The following RCSD1 variants were observed in gnomAD, a reference collection of about 807,000 sequenced individuals.
RCSD1 encodes capZ-interacting protein.
A neutral mutation model predicts 42.5 loss-of-function variants in RCSD1; 26 were observed. That is an observed-to-expected ratio of 0.61 (90% CI 0.45 to 0.85). The LOEUF (loss-of-function observed/expected upper bound fraction) is 0.85, where lower values mean the gene tolerates loss of function less well. Among genes scored for constraint, RCSD1 ranks in the 40% least tolerant of loss-of-function variants. The probability of loss-of-function intolerance (pLI) is 0.00; values close to 1 mark genes in which losing one functional copy is unlikely to be tolerated. For synonymous variants in RCSD1, 220 were observed against 212.2 expected (o/e 1.04, Z -0.32); for missense variants, 571 against 528.3 (o/e 1.08, Z -0.79).
intron 1 of RCSD1, among the ~76,000 whole-genome samples, chr1:167,669,002 CTTCTGAATCCCTTTA>C (rs1658728289): frequency 6.6e-6 from 1 of 152,178 alleles, no homozygotes; most frequent in African/African-American, 2.4e-5. Flanking sequence ...AGCTTGTGTT[CTTCTGAATCCCTTTA>C]TTTTTCTTCT....
At chr1:167,661,580 T>C (rs1658543585) in intron 1 of RCSD1, among the ~76,000 whole-genome samples, 1 of 152,212 alleles carries the variant, frequency 6.6e-6, no homozygotes, top group East Asian at 1.9e-4. Context: ...CCACCTCTCC[T>C]GCAAAAGCCA....
chr1:167,640,325 G>GA (rs1451804323), intron 1 of RCSD1: 1 of 152,254 alleles, frequency 6.6e-6, no homozygotes, highest in Non-Finnish European at 1.5e-5. Context: ...GGCTCCTGGT[G>GA]GTTGCCAGCT....
chr1:167,647,406 T>C (rs1571675358), intron 1 of RCSD1, among the ~76,000 whole-genome samples: 1 of 147,430 alleles, frequency 6.8e-6, no homozygotes, highest in African/African-American at 2.5e-5. Flanking sequence ...CCGGGCAACA[T>C]AGTGAGACCC....
At chr1:167,644,272 G>C (rs968683270) in intron 1 of RCSD1, among the ~76,000 whole-genome samples, 1 of 152,164 alleles carries the variant, frequency 6.6e-6, no homozygotes, top group Non-Finnish European at 1.5e-5. Flanking sequence ...CTGAGATCAG[G>C]AGTTTGAGAC....
chr1:167,688,039 C>G (rs1187235297), intron 3 of RCSD1, among the ~76,000 whole-genome samples: 2 of 152,226 alleles, frequency 1.3e-5, no homozygotes, highest in African/African-American at 4.8e-5. Context: ...TTTTTCTCCA[C>G]CGGATTGTTA....
At chr1:167,631,064 A>C (rs1571661054) in intron 1 of RCSD1, among the ~76,000 whole-genome samples, 1 of 152,202 alleles carries the variant, frequency 6.6e-6, no homozygotes, top group Non-Finnish European at 1.5e-5. Flanking sequence ...TCCCTTGGAC[A>C]CCCTTGCCTC....
In RCSD1 at chr1:167,704,804, G is replaced by A; in HGVS notation, c.*108G>A. Reference sequence around the variant, plus strand: ...CGAAGCCATTGCAGAGGCAGAATATGCTGAGTGTCTGGAGTCAGCCTGAAG... The same window carrying A: ...CGAAGCCATTGCAGAGGCAGAATATACTGAGTGTCTGGAGTCAGCCTGAAG... On this transcript the variant is annotated 3_prime_UTR_variant, in exon 7 of 7. Coordinates refer to ENST00000367854, the MANE Select transcript of RCSD1 (RefSeq NM_052862.4). 9.0e-7 allele frequency: 1 copy of A among 1,111,722 alleles called. No individual in the cohort carries two copies. Among genetic ancestry groups the A allele is most frequent in the Non-Finnish European group, 1.3e-6 (1 of 743,828 alleles). The allele number at this position is 1,111,722 out of a possible 1,614,324, so 68.9% of individuals were successfully genotyped here.
intron 6 of RCSD1, among the ~76,000 whole-genome samples, chr1:167,700,307 C>T (rs1036844649): frequency 6.6e-6 from 1 of 152,096 alleles, no homozygotes; most frequent in Non-Finnish European, 1.5e-5. Context: ...ATGACTGAGA[C>T]CCCTGGGTTA....
At chr1:167,631,246 G>C (rs1471249349) in intron 1 of RCSD1, among the ~76,000 whole-genome samples, 1 of 152,230 alleles carries the variant, frequency 6.6e-6, no homozygotes, top group East Asian at 1.9e-4. Flanking sequence ...TGCACATCTT[G>C]AGGCTTCCCT....
chr1:167,666,413 G>T (rs777775707), intron 1 of RCSD1, among the ~76,000 whole-genome samples: 5 of 152,184 alleles, frequency 3.3e-5, no homozygotes, highest in Non-Finnish European at 7.3e-5. Flanking sequence ...TTTTATTACT[G>T]TTGAAAAATA....
chr1:167,630,759 G>A (rs566221185), intron 1 of RCSD1: 8 of 139,190 alleles, frequency 5.7e-5, no homozygotes, highest in African/African-American at 2.7e-4. Context: ...AAAAAGTTAG[G>A]TGCAGCCAAG....
chr1:167,683,116 T>C (rs892738570), intron 1 of RCSD1, among the ~76,000 whole-genome samples: 4 of 152,128 alleles, frequency 2.6e-5, no homozygotes, highest in African/African-American at 9.7e-5. Context: ...GGCACCTCAA[T>C]GGAGGGACAG....
chr1:167,645,908 C>A (rs1283556613), intron 1 of RCSD1, among the ~76,000 whole-genome samples: 1 of 151,892 alleles, frequency 6.6e-6, no homozygotes, highest in East Asian at 1.9e-4. Flanking sequence ...CAGAGTGGGG[C>A]TCACGGGATG....
chr1:167,662,816 C>T (rs1314698651), intron 1 of RCSD1, among the ~76,000 whole-genome samples: 1 of 152,204 alleles, frequency 6.6e-6, no homozygotes, highest in Non-Finnish European at 1.5e-5. Flanking sequence ...GTTTGCTTGG[C>T]ATCCCTGAGT....
At chr1:167,670,809 C>G (rs1212762623) in intron 1 of RCSD1, among the ~76,000 whole-genome samples, 1 of 152,178 alleles carries the variant, frequency 6.6e-6, no homozygotes, top group Non-Finnish European at 1.5e-5. Flanking sequence ...TGACTCCACC[C>G]TGCCCCACCC....
At chr1:167,638,572 C>T (rs1020651185) in intron 1 of RCSD1, 1 of 152,258 alleles carries the variant, frequency 6.6e-6, no homozygotes, top group African/African-American at 2.4e-5. Context: ...AGACAACAGG[C>T]TCCTCAGCCT....
intron 1 of RCSD1, among the ~76,000 whole-genome samples, chr1:167,636,910 A>G (rs546058254): frequency 2.0e-5 from 3 of 152,154 alleles, no homozygotes; most frequent in South Asian, 4.1e-4. Context: ...AGATTCAGTA[A>G]GCACACACTG....
rs1409177547 is a variant in RCSD1 at position 167,708,539 on chromosome 1, C to T, written c.*3843C>T. On this transcript the variant is annotated 3_prime_UTR_variant, in exon 7 of 7. Transcript: ENST00000367854. Reference sequence around the variant, plus strand: ...AAATGGGATTAGGTTTCATAAGCCACCCAAGAAAATCAGTCTCATTATTTT... The same window carrying T: ...AAATGGGATTAGGTTTCATAAGCCATCCAAGAAAATCAGTCTCATTATTTT... 6.6e-6 allele frequency among the ~76,000 whole-genome samples: 1 copy of T among 152,144 alleles called. No individual in the cohort carries two copies. Among genetic ancestry groups the T allele is most frequent in the African/African-American group, 2.4e-5 (1 of 41,428 alleles).
intron 6 of RCSD1, among the ~76,000 whole-genome samples, chr1:167,698,628 A>G (rs1441745159): frequency 6.6e-6 from 1 of 152,164 alleles, no homozygotes; most frequent in South Asian, 2.1e-4. Context: ...CTTTAAGAGC[A>G]GAACCAGCTC....
Sources: allele counts gnomAD v4.1 joint callset (sites outside exome capture counted in the v4.1 genomes callset), GRCh38; gene constraint gnomAD v4.1.1; transcripts MANE v1.5; gene names NCBI Gene and HGNC (gene_info 2026-07-23, HGNC 2026-07-21).